TRIL: variants seen among roughly 807,000 people sequenced by gnomAD.
TRIL encodes TLR4 interactor with leucine rich repeats.
In TRIL, 23 loss-of-function variants were observed where a neutral mutation model predicts 43.0. The ratio of observed to expected loss-of-function variants is 0.54; its 90% CI spans 0.39 to 0.76. TRIL has a LOEUF of 0.76. Ranked by LOEUF, TRIL falls within the 30% of genes least tolerant of loss-of-function variation. The pLI is 0.00. For missense variants in TRIL, 1,114 were observed against 1,139.3 expected, an observed-to-expected ratio of 0.98 and a Z score of 0.32; for synonymous variants, 602 against 556.8, an observed-to-expected ratio of 1.08 and a Z score of -1.14.
chr7:28,956,387 G>A lies in TRIL; in HGVS notation c.1660C>T (p.Arg554Cys). 3 of 1,535,254 alleles carry A rather than the reference G, an allele frequency of 2.0e-6. No individual in the cohort carries two copies. Among genetic ancestry groups the A allele is most frequent in the Non-Finnish European group, 1.7e-6 (2 of 1,146,786 alleles). ...GDPWQRATKH[R>C]LGTEHQERAA... The stretch of plus-strand genomic sequence containing the variant: ...CGCTCCTGGTGCTCCGTGCCCAGAC[G>A]ATGCTTCGTCGCGCGCTGCCAGGGG... Residue 554 changes from arginine to cysteine, a missense_variant, in exon 1 of 1, where the codon CGT becomes TGT. By Grantham distance (180) the Arg-to-Cys change is radical (BLOSUM62 -3). Coordinates refer to ENST00000539664, the MANE Select transcript of TRIL (RefSeq NM_014817.4).
Position 28,957,454 on chromosome 7 carries a change from G to C in TRIL, c.593C>G (p.Ala198Gly), listed in dbSNP as rs572305295. 2 of 1,613,380 alleles carry C rather than the reference G, an allele frequency of 1.2e-6. No individual in the cohort carries two copies. Among genetic ancestry groups the C allele is most frequent in the African/African-American group, 2.7e-5 (2 of 75,048 alleles). ...GCGCAGCTTGCCTAGCTGGGCGAAG[G>C]CGTTCTTGCCCAGAAAGCGGATCCG... The part of the protein sequence containing the change: ...SNRIRFLGKN[A>G]FAQLGKLRFL... Residue 198 changes from alanine to glycine, a missense_variant, in exon 1 of 1, where the codon GCC (alanine) becomes GGC (glycine). Coordinates refer to ENST00000539664, the MANE Select transcript of TRIL (RefSeq NM_014817.4).
In TRIL at chr7:28,957,843, G is replaced by A; in HGVS notation, c.204C>T (p.Gly68=). ...PHDVLTYSLG[G]NFITNITAFD... is the part of the protein sequence containing the mutation. ...AGGCCGTGATGTTGGTTATGAAGTT[G>A]CCGCCGAGGCTGTAGGTGAGCACGT... The change falls in exon 1 of 1, where the codon GGC becomes GGT. Residue 68 remains glycine, a synonymous_variant. Coordinates refer to ENST00000539664, the MANE Select transcript of TRIL (RefSeq NM_014817.4). 3 of 1,613,810 alleles carry A rather than the reference G, an allele frequency of 1.9e-6. No individual in the cohort carries two copies. The highest frequency in any genetic ancestry group is 2.5e-6 in the Non-Finnish European group (3 of 1,179,760).
chr7:28,957,144 G>A lies in TRIL; in HGVS notation c.903C>T (p.His301=). The part of the protein sequence containing the change: ...QLPTALLEPL[H]SLEALDLSGN... Reference sequence around the variant, plus strand: ...CGCTCAGGTCCAGCGCCTCCAGGCTGTGCAGAGGCTCCAGCAGCGCAGTTG... The same window carrying A: ...CGCTCAGGTCCAGCGCCTCCAGGCTATGCAGAGGCTCCAGCAGCGCAGTTG... The change falls in exon 1 of 1, where the codon CAC becomes CAT. Residue 301 remains histidine, a synonymous_variant. Coordinates refer to ENST00000539664, the MANE Select transcript of TRIL (RefSeq NM_014817.4). 6.3e-7 allele frequency: 1 copy of A among 1,586,100 alleles called. No individual in the cohort carries two copies. Among genetic ancestry groups the A allele is most frequent in the Non-Finnish European group, 8.6e-7 (1 of 1,169,270 alleles).
At position 28,956,565 on chromosome 7, in the gene TRIL, G is replaced by T; in HGVS notation, c.1482C>A (p.Pro494=). 6.4e-7 allele frequency: 1 copy of T among 1,558,352 alleles called. No homozygotes were observed. The highest frequency in any genetic ancestry group is 1.2e-5 in the South Asian group (1 of 84,854). The change falls in exon 1 of 1, where the codon CCC becomes CCA. Residue 494 remains proline (P), a synonymous_variant. Coordinates refer to ENST00000539664, the MANE Select transcript of TRIL (RefSeq NM_014817.4). ...CCGCGGCGGCAGCGACGGAGGGGCT[G>T]GGCTGCTGGAGGCCCGGGCCCCGCC... The part of the protein sequence containing the change: ...LSRRGPGLQQ[P]SPSVAAAAGP...
chr7:28,956,533 G>T lies in TRIL; in HGVS notation c.1514C>A (p.Ala505Asp). ...CTTGTGCAGGTCTAGGGACTGTGGA[G>T]CCGGGCCCGCGGCGGCAGCGACGGA... ...SPSVAAAAGPAPQSLDLHKKP... is the reference protein window; with the variant it reads ...SPSVAAAAGPDPQSLDLHKKP... Residue 505 changes from alanine (A) to aspartate (D), a missense_variant, in exon 1 of 1, where the codon GCT (alanine) becomes GAT (aspartate). Ala to Asp is a moderately radical substitution (Grantham distance 126). Transcript: ENST00000539664. 1.3e-6 allele frequency: 2 copies of T among 1,558,208 alleles called. No individual in the cohort carries two copies. Among genetic ancestry groups the T allele is most frequent in the Non-Finnish European group, 1.7e-6 (2 of 1,160,574 alleles).
At position 28,957,257 on chromosome 7, in the gene TRIL, G is replaced by C. The variant is rs773176149; in HGVS notation, c.790C>G (p.Gln264Glu). ...RLGLLSLRGNQLTHLAPEAFW... is the reference protein window; with the variant it reads ...RLGLLSLRGNELTHLAPEAFW... ...GCCTCAGGCGCGAGGTGCGTGAGCT[G>C]GTTGCCCCTGAGCGAGAGCAGGCCG... Residue 264 changes from glutamine to glutamate, a missense_variant, in exon 1 of 1, where the codon CAG becomes GAG. Gln to Glu is a conservative substitution (Grantham distance 29, BLOSUM62 2). Coordinates refer to ENST00000539664, the MANE Select transcript of TRIL (RefSeq NM_014817.4). The C allele has an allele frequency of 8.7e-6, 14 of 1,608,962 alleles. No homozygotes were observed. In the Admixed American group the frequency reaches 2.2e-4, roughly 25 times the overall value.
rs745482034 is a variant in TRIL at position 28,956,790 on chromosome 7, G to A, written c.1257C>T (p.Pro419=). 3 of 1,611,188 alleles carry A rather than the reference G, an allele frequency of 1.9e-6. No individual in the cohort carries two copies. Among genetic ancestry groups the A allele is most frequent in the East Asian group, 2.2e-5 (1 of 44,826 alleles). ...LQNGSCADPS[P]SASLTADRRR... is the part of the protein sequence containing the mutation. ...TGCGGTCAGCGGTCAGGGAAGCTGAGGGCGAGGGATCCGCGCAGGATCCAT... is the reference window on the plus strand; with the variant it reads ...TGCGGTCAGCGGTCAGGGAAGCTGAAGGCGAGGGATCCGCGCAGGATCCAT... The change falls in exon 1 of 1, where the codon CCC becomes CCT. Residue 419 remains proline (P), a synonymous_variant. Transcript: ENST00000539664.
rs1783358654 is a variant in TRIL at position 28,953,874 on chromosome 7, C to T, written c.*1737G>A. On this transcript the variant is annotated 3_prime_UTR_variant, in exon 1 of 1. Transcript: ENST00000539664. ...GATCAGCTCATTCAGATGGCTGGTT[C>T]CCTACTCAGCTGTTGAGAAGAGGGC... 1 of 152,580 alleles carries T rather than the reference C, an allele frequency of 6.6e-6. No homozygotes were observed. The highest frequency in any genetic ancestry group is 1.5e-5 in the Non-Finnish European group (1 of 68,060). The allele number at this position is 152,580 out of a possible 1,614,324, so 9.5% of individuals were successfully genotyped here.
rs1329699225 is a variant in TRIL, at chr7:28,954,418, G to GT, written c.*1192dup. ...TTTAAGTACTCATAACAATCTTCTGGTTTTAGTAGAACAGATACCCACTGG... is the reference window on the plus strand; with the variant it reads ...TTTAAGTACTCATAACAATCTTCTGGTTTTTAGTAGAACAGATACCCACTGG... On this transcript the variant is annotated 3_prime_UTR_variant, in exon 1 of 1. Coordinates refer to ENST00000539664, the MANE Select transcript of TRIL (RefSeq NM_014817.4). 6.6e-6 allele frequency: 1 copy of GT among 152,566 alleles called. No individual in the cohort carries two copies. Among genetic ancestry groups the GT allele is most frequent in the Non-Finnish European group, 1.5e-5 (1 of 68,000 alleles). The allele number at this position is 152,566 out of a possible 1,614,324, so 9.5% of individuals were successfully genotyped here. A position where few individuals can be genotyped will look rare whatever the true frequency, so the allele number is the denominator to read the frequency against.
rs368229653 is a variant in TRIL at position 28,956,171 on chromosome 7, G to T, written c.1876C>A (p.Arg626Ser). 3 of 1,575,024 alleles carry T rather than the reference G, an allele frequency of 1.9e-6. No individual in the cohort carries two copies. The highest frequency in any genetic ancestry group is 2.6e-6 in the Non-Finnish European group (3 of 1,161,718). ...GGARFRLLFD[R>S]FGQQPKFHRF... ...TGGAACTTGGGCTGCTGGCCAAAGC[G>T]GTCAAAGAGCAGGCGGAAGCGCGCG... The change falls in exon 1 of 1, where the codon CGC becomes AGC. Residue 626 changes from arginine to serine, a missense_variant. Transcript: ENST00000539664.
In TRIL at chr7:28,955,884, C is replaced by G. The variant is rs1783391124; in HGVS notation, c.2163G>C (p.Trp721Cys). The change falls in exon 1 of 1, where the codon TGG becomes TGC. Residue 721 changes from tryptophan to cysteine, a missense_variant. Transcript: ENST00000539664. Reference sequence around the variant, plus strand: ...GCCTAGCCCGCAGTTTCCTACGCAGCCAGCGAGACGCCCAGGCCGCCAAGG... The same window carrying G: ...GCCTAGCCCGCAGTTTCCTACGCAGGCAGCGAGACGCCCAGGCCGCCAAGG... ...LLALAAWASR[W>C]LRRKLRARRK... is the part of the protein sequence containing the mutation. 6.4e-7 allele frequency: 1 copy of G among 1,550,398 alleles called. No homozygotes were observed. The highest frequency in any genetic ancestry group is 8.7e-7 in the Non-Finnish European group (1 of 1,147,598).
In TRIL at chr7:28,957,513, C is replaced by G. The variant is rs779565281; in HGVS notation, c.534G>C (p.Leu178Phe). Residue 178 changes from leucine (L) to phenylalanine (F), a missense_variant, in exon 1 of 1, where the codon TTG becomes TTC. By Grantham distance (22) the Leu-to-Phe change is conservative. Transcript: ENST00000539664. ...GALPDAVFAP[L>F]GNLLYLHLES... ...CCAGATGTAGGTAGAGCAGGTTGCC[C>G]AAGGGAGCGAAGACCGCGTCCGGCA... 1 of 1,613,192 alleles carries G rather than the reference C, an allele frequency of 6.2e-7. No homozygotes were observed. Among genetic ancestry groups the G allele is most frequent in the South Asian group, 1.1e-5 (1 of 91,066 alleles).
In TRIL at chr7:28,953,528, G is replaced by A. The variant is rs1358114217; in HGVS notation, c.*2083C>T. 6.6e-6 allele frequency: 1 copy of A among 152,438 alleles called. No homozygotes were observed. The highest frequency in any genetic ancestry group is 2.4e-5 in the African/African-American group (1 of 41,424). The allele number at this position is 152,438 out of a possible 1,614,324, so 9.4% of individuals were successfully genotyped here. A position where few individuals can be genotyped will look rare whatever the true frequency, so the allele number is the denominator to read the frequency against. On this transcript the variant is annotated 3_prime_UTR_variant, in exon 1 of 1. Transcript: ENST00000539664. ...AAGGTGGGTGGTGAGGAGAACCAGA[G>A]GCCTTGTCCATACTTGCAATGGGAC...
Position 28,955,402 on chromosome 7 carries a change from T to G in TRIL, c.*209A>C. On this transcript the variant is annotated 3_prime_UTR_variant, in exon 1 of 1. Coordinates refer to ENST00000539664, the MANE Select transcript of TRIL (RefSeq NM_014817.4). ...TCCGACCTCAGCATCCCACCATCCA[T>G]TTGTCCCCTACTCTGGCTCTGACCA... The G allele has an allele frequency of 1.4e-6, 1 of 703,610 alleles. No individual in the cohort carries two copies. The highest frequency in any genetic ancestry group is 2.5e-5 in the South Asian group (1 of 39,534). 43.6% of individuals were successfully genotyped at this position (703,610 alleles called of 1,614,324 possible). A position where few individuals can be genotyped will look rare whatever the true frequency, so the allele number is the denominator to read the frequency against.
rs1029147616 is a variant in TRIL at position 28,954,617 on chromosome 7, T to C, written c.*994A>G. ...AAGAGAATTAGGGCACAGTCAACCA[T>C]GTCACTGATAAAAACATAAGAAGTA... On this transcript the variant is annotated 3_prime_UTR_variant, in exon 1 of 1. Transcript: ENST00000539664. 1.3e-5 allele frequency: 2 copies of C among 152,274 alleles called. No homozygotes were observed. The highest frequency in any genetic ancestry group is 2.4e-5 in the African/African-American group (1 of 41,454). 9.4% of individuals were successfully genotyped at this position (152,274 alleles called of 1,614,324 possible).
In TRIL at chr7:28,956,860, A is replaced by AGG. The variant is rs1783412982; in HGVS notation, c.1185_1186dup (p.Leu396ProfsTer29). 1 of 1,607,022 alleles carries AGG rather than the reference A, an allele frequency of 6.2e-7. No homozygotes were observed. The highest frequency in any genetic ancestry group is 8.5e-7 in the Non-Finnish European group (1 of 1,175,750). On this transcript the variant is annotated frameshift_variant, in exon 1 of 1. Coordinates refer to ENST00000539664, the MANE Select transcript of TRIL (RefSeq NM_014817.4). LOFTEE classifies it high-confidence loss of function. ...CAGGTAATCCAGGTATTTGCCTCGC[A>AGG]GGGCCGGGGGGTGGCGACACTGCAC...
chr7:28,957,361 C>A lies in TRIL; in HGVS notation c.686G>T (p.Arg229Leu), dbSNP rs748372110. 5 of 1,612,664 alleles carry A rather than the reference C, an allele frequency of 3.1e-6. No individual in the cohort carries two copies. Among genetic ancestry groups the A allele is most frequent in the Non-Finnish European group, 4.2e-6 (5 of 1,179,414 alleles). Reference sequence around the variant, plus strand: ...CGAGAGGATGAGGGAGGAGAGGGAGCGCAGCGGTGCGAAGGTGGCCGCGTG... The same window carrying A: ...CGAGAGGATGAGGGAGGAGAGGGAGAGCAGCGGTGCGAAGGTGGCCGCGTG... ...LRHAATFAPLRSLSSLILSAN... is the reference protein window; with the variant it reads ...LRHAATFAPLLSLSSLILSAN... Residue 229 changes from arginine to leucine, a missense_variant, in exon 1 of 1, where the codon CGC becomes CTC. Arg to Leu is a moderately radical substitution (Grantham distance 102). Transcript: ENST00000539664.
In TRIL at chr7:28,956,677, T is replaced by A. The variant is rs542985374; in HGVS notation, c.1370A>T (p.Gln457Leu). The A allele has an allele frequency of 1.3e-5, 20 of 1,583,476 alleles. No individual in the cohort carries two copies. In the South Asian group the frequency reaches 2.1e-4, roughly 16 times the overall value. The change falls in exon 1 of 1, where the codon CAG becomes CTG. Residue 457 changes from glutamine to leucine, a missense_variant. By Grantham distance (113) the Gln-to-Leu change is moderately radical (BLOSUM62 -2). Transcript: ENST00000539664. ...AEELPPQPQLQQQGRFLAGVA... is the reference protein window; with the variant it reads ...AEELPPQPQLLQQGRFLAGVA... ...CCCAGCTAGAAATCGCCCCTGCTGC[T>A]GGAGCTGCGGCTGCGGCGGCAGCTC...
At position 28,955,442 on chromosome 7, in the gene TRIL, T is replaced by G; in HGVS notation, c.*169A>C. ...GGCTCTGACCACCAAGTACCATCCA[T>G]TTACTTCTCGAGTATTGGGAATTGG... On this transcript the variant is annotated 3_prime_UTR_variant, in exon 1 of 1. Coordinates refer to ENST00000539664, the MANE Select transcript of TRIL (RefSeq NM_014817.4). 1 of 1,030,842 alleles carries G rather than the reference T, an allele frequency of 9.7e-7. No homozygotes were observed. The highest frequency in any genetic ancestry group is 1.4e-6 in the Non-Finnish European group (1 of 735,120). The allele number at this position is 1,030,842 out of a possible 1,614,324, so 63.9% of individuals were successfully genotyped here. A position where few individuals can be genotyped will look rare whatever the true frequency, so the allele number is the denominator to read the frequency against.
Sources: allele counts gnomAD v4.1 joint callset, GRCh38; gene constraint gnomAD v4.1.1; transcripts MANE v1.5; gene names NCBI Gene and HGNC (gene_info 2026-07-23, HGNC 2026-07-21).